The following DAB1 variants were observed in gnomAD, a reference collection of about 807,000 sequenced individuals.
DAB1 encodes the protein disabled homolog 1.
In DAB1, 15 loss-of-function variants were observed where a neutral mutation model predicts 64.6. That is an observed-to-expected ratio of 0.23 (90% confidence interval 0.16 to 0.36). The LOEUF (loss-of-function observed/expected upper bound fraction) is 0.36. Ranked by LOEUF, DAB1 falls within the 10% of genes least tolerant of loss-of-function variation. DAB1 has a pLI of 1.00. For missense variants in DAB1, 596 were observed against 706.7 expected, an observed-to-expected ratio of 0.84 and a Z score of 1.78; for synonymous variants, 235 against 251.9, an observed-to-expected ratio of 0.93 and a Z score of 0.64.
chr1:58,258,252 G>A (rs986228093), intron 4 of DAB1, among the ~76,000 whole-genome samples: 1 of 152,138 alleles, frequency 6.6e-6, no homozygotes, highest in Non-Finnish European at 1.5e-5. Context: ...GACACGCCGG[G>A]GGCACCAAGG....
At chr1:57,035,833 CTTTTTTTTTT>C (rs35389635) in intron 9 of DAB1, among the ~76,000 whole-genome samples, 27 of 61,882 alleles carry the variant, frequency 4.4e-4, no homozygotes, top group African/African-American at 1.3e-3. Flanking sequence ...CGCACATGCA[CTTTTTTTTTT>C]TTTTTTTTTT....
chr1:57,112,231 C>T (rs780378718), intron 4 of DAB1, among the ~76,000 whole-genome samples: 2 of 152,160 alleles, frequency 1.3e-5, no homozygotes, highest in African/African-American at 4.8e-5. Flanking sequence ...AGAATAGCTG[C>T]AAGGCCCTGT....
intron 5 of DAB1, among the ~76,000 whole-genome samples, chr1:58,127,642 T>C (rs931216834): frequency 1.3e-5 from 2 of 152,246 alleles, no homozygotes; most frequent in African/African-American, 4.8e-5. Flanking sequence ...TTGTATAAGG[T>C]GTAAGGAACG....
chr1:57,134,175 GCC>G (rs1657873681), intron 4 of DAB1, among the ~76,000 whole-genome samples: 4 of 152,116 alleles, frequency 2.6e-5, no homozygotes, highest in Admixed American at 6.6e-5. Flanking sequence ...TGATAGAAAA[GCC>G]TTCTTACTGA....
At chr1:57,154,564 G>A (rs1345503304) in intron 2 of DAB1, among the ~76,000 whole-genome samples, 2 of 152,232 alleles carry the variant, frequency 1.3e-5, no homozygotes, top group Admixed American at 1.3e-4. Flanking sequence ...ATACCCAGCA[G>A]TGGGATTGCT....
intron 4 of DAB1, among the ~76,000 whole-genome samples, chr1:58,332,462 T>C (rs1438097454): frequency 6.6e-6 from 1 of 152,218 alleles, no homozygotes; most frequent in African/African-American, 2.4e-5. Context: ...CCACAATTTT[T>C]GGGGTTTCCA....
chr1:57,025,999 A>G lies in DAB1; in HGVS notation c.768T>C (p.Pro256=). The G allele has an allele frequency of 6.3e-7, 1 of 1,589,102 alleles. No homozygotes were observed. Among genetic ancestry groups the G allele is most frequent in the Non-Finnish European group, 8.5e-7 (1 of 1,170,006 alleles). Residue 256 remains proline, a synonymous_variant, in exon 10 of 15, where the codon CCT becomes CCC. Transcript: ENST00000371236. Reference sequence around the variant, plus strand: ...TACTTACGGGGGGAGAGGTTATATCAGGGGGTGTGGACATGTCCCCAAAAA... The same window carrying G: ...TACTTACGGGGGGAGAGGTTATATCGGGGGGTGTGGACATGTCCCCAAAAA... ...LELFGDMSTP[P]DITSPPTPAT...
intron 7 of DAB1, among the ~76,000 whole-genome samples, chr1:57,629,783 A>G (rs1425523269): frequency 6.6e-6 from 1 of 151,562 alleles, no homozygotes; most frequent in Admixed American, 6.6e-5. Context: ...ACCTGCCAGA[A>G]GGAGGCCTTC....
chr1:58,205,828 A>T (rs1658243624), intron 4 of DAB1, among the ~76,000 whole-genome samples: 1 of 152,154 alleles, frequency 6.6e-6, no homozygotes, highest in South Asian at 2.1e-4. Context: ...AGGCCCTGGA[A>T]CCCTGTCTGA....
intron 2 of DAB1, among the ~76,000 whole-genome samples, chr1:57,225,338 A>G (rs983568119): frequency 2.0e-5 from 3 of 152,206 alleles, no homozygotes; most frequent in African/African-American, 7.2e-5. Flanking sequence ...TCTGTGCTTA[A>G]CCTGTGTAAT....
At chr1:58,312,843 C>A in intron 4 of DAB1, among the ~76,000 whole-genome samples, 1 of 151,998 alleles carries the variant, frequency 6.6e-6, no homozygotes, top group East Asian at 1.9e-4. Flanking sequence ...CCTCATTTTG[C>A]AAGATAGCGT....
intron 3 of DAB1, among the ~76,000 whole-genome samples, chr1:58,467,492 G>A (rs1269643573): frequency 6.6e-6 from 1 of 152,154 alleles, no homozygotes; most frequent in Non-Finnish European, 1.5e-5. Flanking sequence ...ATAGCCACTG[G>A]GGATTAAGAA....
At chr1:57,373,559 G>C (rs908542227) in intron 1 of DAB1, among the ~76,000 whole-genome samples, 1 of 152,066 alleles carries the variant, frequency 6.6e-6, no homozygotes, top group Admixed American at 6.6e-5. Flanking sequence ...TGCAAAACAG[G>C]GAGGAGTGGT....
chr1:57,651,977 G>C (rs1646261790), intron 6 of DAB1, among the ~76,000 whole-genome samples: 1 of 152,008 alleles, frequency 6.6e-6, no homozygotes, highest in African/African-American at 2.4e-5. Flanking sequence ...AGGTAACTTT[G>C]GGAGAAATTT....
At chr1:57,081,677 C>G (rs1298985841) in intron 4 of DAB1, among the ~76,000 whole-genome samples, 1 of 152,130 alleles carries the variant, frequency 6.6e-6, no homozygotes, top group Non-Finnish European at 1.5e-5. Context: ...ACTATTCCTA[C>G]CTTAGACAGG....
chr1:57,289,774 T>C (rs1672618154), intron 2 of DAB1, among the ~76,000 whole-genome samples: 1 of 152,230 alleles, frequency 6.6e-6, no homozygotes, highest in South Asian at 2.1e-4. Flanking sequence ...TTTCAAGACC[T>C]GAGAGAGAGC....
intron 3 of DAB1, among the ~76,000 whole-genome samples, chr1:58,482,766 C>T (rs1037920307): frequency 6.6e-6 from 1 of 152,046 alleles, no homozygotes; most frequent in African/African-American, 2.4e-5. Context: ...GAGGGAGCTG[C>T]GAGTACAAGG....
At chr1:58,534,686 G>A (rs1390373753) in intron 1 of DAB1, among the ~76,000 whole-genome samples, 2 of 152,226 alleles carry the variant, frequency 1.3e-5, no homozygotes, top group Non-Finnish European at 2.9e-5. Flanking sequence ...TGTAATCCCA[G>A]AACTAGGGGA....
chr1:57,069,092 T>C (rs955284377), intron 8 of DAB1, among the ~76,000 whole-genome samples: 2 of 152,218 alleles, frequency 1.3e-5, no homozygotes, highest in African/African-American at 4.8e-5. Flanking sequence ...TGTATTACTT[T>C]AGTAAAATGG....
Sources: gnomAD v4.1 joint callset for allele counts (sites outside exome capture counted in the v4.1 genomes callset) on GRCh38, gnomAD v4.1.1 for gene constraint, MANE v1.5 for transcripts, NCBI Gene and HGNC (gene_info 2026-07-23, HGNC 2026-07-21) for gene names.